RAC1: variants seen among roughly 807,000 people sequenced by gnomAD.
RAC1 encodes the protein ras-related C3 botulinum toxin substrate 1.
A neutral mutation model predicts 25.2 loss-of-function variants in RAC1; 2 were observed. The ratio of observed to expected loss-of-function variants is 0.08; its 90% CI spans 0.03 to 0.25. RAC1 has a LOEUF of 0.25. Among genes scored for constraint, RAC1 ranks in the 10% least tolerant of loss-of-function variants. RAC1 has a pLI of 1.00. For missense variants in RAC1, 50 were observed against 235.7 expected (o/e 0.21, Z 5.16); for synonymous variants, 88 against 94.0 (o/e 0.94, Z 0.37).
intron 5 of RAC1, 137 bp from the exon 6 acceptor site, chr7:6,402,179 C>T (rs1028591164): frequency 6.6e-5 from 96 of 1,454,266 alleles, no homozygotes; most frequent in South Asian, 5.9e-4. Flanking sequence ...TGGGTCTTAA[C>T]GTCAGCGTTG....
chr7:6,398,007 G>C (rs912368461), intron 3 of RAC1, among the ~76,000 whole-genome samples: 3 of 152,176 alleles, frequency 2.0e-5, no homozygotes, highest in African/African-American at 4.8e-5. Flanking sequence ...TTGTCCTTAA[G>C]GGGTGGCTTC....
chr7:6,402,104 A>C (rs1309284578), intron 5 of RAC1, 77 bp downstream of exon 5: 2 of 1,530,552 alleles, frequency 1.3e-6, no homozygotes, highest in Non-Finnish European at 1.8e-6. Flanking sequence ...AGTCTGGGAA[A>C]GGAGGGTGTG....
At chr7:6,376,544 C>G (rs937540768) in intron 1 of RAC1, among the ~76,000 whole-genome samples, 23 of 148,888 alleles carry the variant, frequency 1.5e-4, no homozygotes, top group African/African-American at 5.7e-4. Flanking sequence ...ACTCTGTCGC[C>G]CAGGCTGGAG....
At chr7:6,391,850 A>G in intron 2 of RAC1, 74 bp from the exon 3 acceptor site, 2 of 1,602,990 alleles carry the variant, frequency 1.2e-6, no homozygotes, top group Non-Finnish European at 1.7e-6. Flanking sequence ...TTCTTGGCAC[A>G]CCTTCTCTAG....
chr7:6,386,723 G>C lies in RAC1; in HGVS notation c.36-489G>C, dbSNP rs369296526. Among the ~76,000 whole-genome samples, 484 of 150,508 alleles carry C rather than the reference G, an allele frequency of 3.2e-3. 1 individual carries two copies. Among genetic ancestry groups the C allele is most frequent in the Middle Eastern group, 6.8e-3 (2 of 294 alleles). ...CGCTTGAACCTGGGAGGCAGAGGTT[G>C]CAGTGAGCCAAGATGGTGCCTCTGC... On this transcript the variant is annotated intron_variant, in intron 1 of 5. Coordinates refer to ENST00000348035, the MANE Select transcript of RAC1 (RefSeq NM_006908.5).
chr7:6,383,083 G>A (rs1782817521), intron 1 of RAC1, among the ~76,000 whole-genome samples: 1 of 152,194 alleles, frequency 6.6e-6, no homozygotes, highest in Admixed American at 6.5e-5. Flanking sequence ...GACATTGCTC[G>A]ATGATTGAAA....
chr7:6,386,128 G>C (rs1022380707), intron 1 of RAC1, among the ~76,000 whole-genome samples: 2 of 152,182 alleles, frequency 1.3e-5, no homozygotes, highest in African/African-American at 4.8e-5. Flanking sequence ...CAGTTGTGCA[G>C]GTGGTGCTCC....
intron 1 of RAC1, among the ~76,000 whole-genome samples, chr7:6,378,675 A>G (rs1048241569): frequency 1.3e-5 from 2 of 152,330 alleles, no homozygotes; most frequent in Admixed American, 1.3e-4. Context: ...TTATTCTAAG[A>G]TAGTCCTTTC....
At chr7:6,385,100 C>T (rs1428255489) in intron 1 of RAC1, among the ~76,000 whole-genome samples, 1 of 152,222 alleles carries the variant, frequency 6.6e-6, no homozygotes, top group Non-Finnish European at 1.5e-5. Context: ...GCCACCATGC[C>T]TGGCCTAAAA....
intron 1 of RAC1, among the ~76,000 whole-genome samples, chr7:6,386,862 G>C (rs1238772025): frequency 6.6e-6 from 1 of 151,716 alleles, no homozygotes; most frequent in African/African-American, 2.4e-5. Context: ...CTTGATGAGA[G>C]GCTCTACAGA....
In RAC1 at chr7:6,391,896, G is replaced by C. The variant is rs775409480; in HGVS notation, c.108-28G>C. The C allele has an allele frequency of 3.4e-5, 55 of 1,613,714 alleles. No homozygotes were observed. In the South Asian group the frequency reaches 5.8e-4, roughly 17 times the overall value. ...ACAGTGACTTAGCTTCTACACCTGTGACTAACCATTTTCATTCCATTCTAC... is the reference window on the plus strand; with the variant it reads ...ACAGTGACTTAGCTTCTACACCTGTCACTAACCATTTTCATTCCATTCTAC... On this transcript the variant is annotated intron_variant, in intron 2 of 5. Coordinates refer to ENST00000348035, the MANE Select transcript of RAC1 (RefSeq NM_006908.5).
intron 4 of RAC1, 78 bp downstream of exon 4, chr7:6,400,266 C>G (rs140297566): frequency 2.2e-6 from 3 of 1,358,722 alleles, no homozygotes; most frequent in Non-Finnish European, 2.1e-6. Flanking sequence ...TATCACTTAG[C>G]CTAGGAATTT....
At chr7:6,402,225 G>A (rs1783421974) in intron 5 of RAC1, 91 bp from the exon 6 acceptor site, 4 of 1,512,422 alleles carry the variant, frequency 2.6e-6, no homozygotes, top group South Asian at 1.3e-5. Flanking sequence ...GGCAGAAGGC[G>A]CCCGGGCCCC....
chr7:6,392,479 G>A (rs139093343), intron 3 of RAC1, among the ~76,000 whole-genome samples: 7 of 152,192 alleles, frequency 4.6e-5, no homozygotes, highest in African/African-American at 1.7e-4. Flanking sequence ...TACATAATTT[G>A]TATGGATTTT....
intron 3 of RAC1, among the ~76,000 whole-genome samples, chr7:6,392,892 G>A (rs1783127783): frequency 6.6e-6 from 1 of 152,194 alleles, no homozygotes; most frequent in Non-Finnish European, 1.5e-5. Context: ...TTCCTTGTAG[G>A]GTGAGATGAG....
At position 6,400,223 on chromosome 7, in the gene RAC1, A is replaced by T. The variant is rs553948518; in HGVS notation, c.288+35A>T. ...GATTTAAAATGTGTATGTAAGTTATAGAATGATCCTCTCAGAAATAAATAC... is the reference window on the plus strand; with the variant it reads ...GATTTAAAATGTGTATGTAAGTTATTGAATGATCCTCTCAGAAATAAATAC... On this transcript the variant is annotated intron_variant, in intron 4 of 5. Transcript: ENST00000348035. 8 of 1,513,964 alleles carry T rather than the reference A, an allele frequency of 5.3e-6. No homozygotes were observed. The African/African-American group carries it at 9.6e-5, about 18-fold the overall frequency. The allele number at this position is 1,513,964 out of a possible 1,614,324, so 93.8% of individuals were successfully genotyped here. A position where few individuals can be genotyped will look rare whatever the true frequency, so the allele number is the denominator to read the frequency against.
At chr7:6,383,690 T>C (rs938170618) in intron 1 of RAC1, among the ~76,000 whole-genome samples, 1 of 150,330 alleles carries the variant, frequency 6.7e-6, no homozygotes, top group African/African-American at 2.4e-5. Context: ...AAAGAAGTGA[T>C]AATGACATTT....
chr7:6,380,172 G>C (rs577054214), intron 1 of RAC1, among the ~76,000 whole-genome samples: 28 of 152,096 alleles, frequency 1.8e-4, no homozygotes, highest in Admixed American at 5.9e-4. Context: ...CGGTGGTGGC[G>C]TGAACCATGA....
At chr7:6,381,002 G>C (rs1004362454) in intron 1 of RAC1, among the ~76,000 whole-genome samples, 1 of 152,024 alleles carries the variant, frequency 6.6e-6, no homozygotes, top group African/African-American at 2.4e-5. Flanking sequence ...CTGAGTAGCT[G>C]GGCTTACAGG....
Sources: gnomAD v4.1 joint callset for allele counts (sites outside exome capture counted in the v4.1 genomes callset) on GRCh38, gnomAD v4.1.1 for gene constraint, MANE v1.5 for transcripts, NCBI Gene and HGNC (gene_info 2026-07-23, HGNC 2026-07-21) for gene names.